Variants in BTG3 observed in about 807,000 individuals in gnomAD.
BTG3 encodes the protein protein BTG3.
In BTG3, 4 loss-of-function variants were observed where a neutral mutation model predicts 25.8. The observed-to-expected ratio is 0.16, with a 90% CI of 0.08 to 0.36. BTG3 has a LOEUF of 0.36. Ranked by LOEUF, BTG3 falls within the 10% of genes least tolerant of loss-of-function variation. The probability of loss-of-function intolerance (pLI) is 1.00; values close to 1 mark genes in which losing one functional copy is unlikely to be tolerated. For missense variants in BTG3, 201 were observed against 304.9 expected (o/e 0.66, Z 2.54); for synonymous variants, 107 against 99.9 (o/e 1.07, Z -0.42).
chr21:17,600,146 A>T (rs1569178598), intron 3 of BTG3, among the ~76,000 whole-genome samples: 1 of 152,228 alleles, frequency 6.6e-6, no homozygotes, highest in African/African-American at 2.4e-5. Context: ...TTACTTAAAA[A>T]AAAATTCTGA....
chr21:17,604,826 G>A (rs1188331055), intron 3 of BTG3, 34 bp downstream of exon 3: 1 of 1,595,412 alleles, frequency 6.3e-7, no homozygotes, highest in Non-Finnish European at 8.5e-7. Flanking sequence ...TTCCAGCATG[G>A]TCATCAGTTC....
rs112011770 is a variant in BTG3 at position 17,606,604 on chromosome 21, AC to A, written c.174-1608del. Among the ~76,000 whole-genome samples the A allele has an allele frequency of 6.6e-3, 1,001 of 152,258 alleles. 12 individuals are homozygous for A. Among genetic ancestry groups the A allele is most frequent in the African/African-American group, 0.022 (933 of 41,574 alleles). Reference sequence around the variant, plus strand: ...TTAAGGTGATACAGGCTCTAAGCTTACAAATTATATATAAATATAGATGCTT... The same window carrying A: ...TTAAGGTGATACAGGCTCTAAGCTTAAAATTATATATAAATATAGATGCTT... On this transcript the variant is annotated intron_variant, in intron 2 of 4. Coordinates refer to ENST00000348354, the MANE Select transcript of BTG3 (RefSeq NM_006806.5).
Position 17,612,890 on chromosome 21 carries a change from G to GCGCACACGAGTGAGCGCAGC in BTG3, c.-201_-200insGCTGCGCTCACTCGTGTGCG, listed in dbSNP as rs2061756660. 1 of 151,958 alleles carries GCGCACACGAGTGAGCGCAGC rather than the reference G, an allele frequency of 6.6e-6. No individual in the cohort carries two copies. The highest frequency in any genetic ancestry group is 1.5e-5 in the Non-Finnish European group (1 of 67,988). The allele number at this position is 151,958 out of a possible 1,614,324, so 9.4% of individuals were successfully genotyped here. A position where few individuals can be genotyped will look rare whatever the true frequency, so the allele number is the denominator to read the frequency against. ...TGAGAGGACTGGCGGGCGGACGAGC[G>GCGCACACGAGTGAGCGCAGC]CGCACACGAGTGAGCGCAGCCCCAA... On this transcript the variant is annotated 5_prime_UTR_variant, in exon 1 of 5. Transcript: ENST00000348354.
In BTG3 at chr21:17,598,740, G is replaced by C; in HGVS notation, c.396C>G (p.Thr132=). ...CAGAGGTAACCTTATCAAGGGCCCT[G>C]GTAACTTTCCTGGAGATCTCATCCT... ...ENKDEISRKV[T]RALDKVTSDY... Residue 132 remains threonine (T), a synonymous_variant, in exon 4 of 5, where the codon ACC becomes ACG. Transcript: ENST00000348354. 1.2e-6 allele frequency: 2 copies of C among 1,614,034 alleles called. No individual in the cohort carries two copies. The highest frequency in any genetic ancestry group is 1.7e-4 in the Middle Eastern group (1 of 6,056).
chr21:17,610,685 C>T (rs1440874021), intron 1 of BTG3, among the ~76,000 whole-genome samples: 1 of 152,162 alleles, frequency 6.6e-6, no homozygotes, highest in Non-Finnish European at 1.5e-5. Flanking sequence ...TATTAAGATG[C>T]TGCCTTTAGT....
At chr21:17,595,621 G>C (rs1314563033) in intron 4 of BTG3, among the ~76,000 whole-genome samples, 1 of 151,728 alleles carries the variant, frequency 6.6e-6, no homozygotes, top group Non-Finnish European at 1.5e-5. Flanking sequence ...AGATAGTATA[G>C]CAATGACTAT....
At chr21:17,611,638 G>C (rs533687969) in intron 1 of BTG3, 1 of 152,336 alleles carries the variant, frequency 6.6e-6, no homozygotes, top group South Asian at 2.1e-4. Flanking sequence ...TCTTGAGTAA[G>C]TAGGCGTCCT....
chr21:17,598,851 A>C (rs780931755), intron 3 of BTG3, 27 bp from the exon 4 acceptor site: 1 of 1,587,164 alleles, frequency 6.3e-7, no homozygotes, highest in Non-Finnish European at 8.6e-7. Flanking sequence ...AAACTTACAA[A>C]TCTTGAAGTC....
In BTG3 at chr21:17,608,974, G is replaced by A. The variant is rs1940127992; in HGVS notation, c.171C>T (p.Tyr57=). The change falls in exon 2 of 5, where the codon TAC becomes TAT. Residue 57 remains tyrosine, a splice_region_variant and synonymous_variant. Coordinates refer to ENST00000348354, the MANE Select transcript of BTG3 (RefSeq NM_006806.5). The part of the protein sequence containing the change: ...YPEKPSKGQA[Y]RCIRVNKFQR... ...CTTAATCCAATCTAATCCTTTACCTGTAGGCCTGTCCTTTCGATGGTTTTT... is the reference window on the plus strand; with the variant it reads ...CTTAATCCAATCTAATCCTTTACCTATAGGCCTGTCCTTTCGATGGTTTTT... 6.2e-7 allele frequency: 1 copy of A among 1,612,492 alleles called. No homozygotes were observed. Among genetic ancestry groups the A allele is most frequent in the Admixed American group, 1.7e-5 (1 of 59,678 alleles).
rs371833868 is a variant in BTG3 at position 17,594,721 on chromosome 21, A to C, written c.520-389T>G. ...CAAAACATTGGAGCTGGAGGCCATT[A>C]TCCTTAGCAAACTAATGCAGAAACA... is the stretch of plus-strand genomic sequence containing the variant. On this transcript the variant is annotated intron_variant, in intron 4 of 4. Coordinates refer to ENST00000348354, the MANE Select transcript of BTG3 (RefSeq NM_006806.5). Among the ~76,000 whole-genome samples, 144 of 152,210 alleles carry C rather than the reference A, an allele frequency of 9.5e-4. 3 individuals carry two copies. In the South Asian group the frequency reaches 0.028, roughly 30 times the overall value.
chr21:17,610,333 A>G (rs2061702803), intron 1 of BTG3, among the ~76,000 whole-genome samples: 1 of 152,248 alleles, frequency 6.6e-6, no homozygotes, highest in Non-Finnish European at 1.5e-5. Flanking sequence ...TATATAAATT[A>G]AATCCCAAAA....
At chr21:17,599,480 T>TTC in intron 3 of BTG3, among the ~76,000 whole-genome samples, 1 of 147,640 alleles carries the variant, frequency 6.8e-6, no homozygotes, top group African/African-American at 2.6e-5. Flanking sequence ...GGCTGATTTT[T>TTC]TTTTTTTTTT....
At chr21:17,596,696 A>C (rs896796694) in intron 4 of BTG3, among the ~76,000 whole-genome samples, 1 of 152,082 alleles carries the variant, frequency 6.6e-6, no homozygotes, top group Admixed American at 6.6e-5. Context: ...AATATATAAT[A>C]GCTTTGAATT....
At chr21:17,600,712 T>C (rs2061561428) in intron 3 of BTG3, among the ~76,000 whole-genome samples, 1 of 152,024 alleles carries the variant, frequency 6.6e-6, no homozygotes, top group Non-Finnish European at 1.5e-5. Flanking sequence ...AAAATGTATG[T>C]GGAAATCTAG....
At chr21:17,605,274 A>C in intron 2 of BTG3, 1 of 249,590 alleles carries the variant, frequency 4.0e-6, no homozygotes, top group Non-Finnish European at 7.6e-6. Context: ...TGTACATTAA[A>C]TGAGCACGGA....
chr21:17,608,135 GGGA>G (rs2123475253), intron 2 of BTG3, among the ~76,000 whole-genome samples: 1 of 152,318 alleles, frequency 6.6e-6, no homozygotes, highest in African/African-American at 2.4e-5. Flanking sequence ...GGGAGGCAAA[GGGA>G]GAAGATCGCG....
chr21:17,600,901 T>A (rs922887461), intron 3 of BTG3, among the ~76,000 whole-genome samples: 1 of 152,112 alleles, frequency 6.6e-6, no homozygotes, highest in Non-Finnish European at 1.5e-5. Flanking sequence ...CGGTGGCTCA[T>A]GCCTGTAATC....
chr21:17,595,397 T>TA (rs2061491673), intron 4 of BTG3, among the ~76,000 whole-genome samples: 1 of 152,040 alleles, frequency 6.6e-6, no homozygotes, highest in Non-Finnish European at 1.5e-5. Context: ...CCTCTTTTTT[T>TA]ATCTCACCCT....
At chr21:17,597,309 G>C (rs998919338) in intron 4 of BTG3, among the ~76,000 whole-genome samples, 2 of 151,670 alleles carry the variant, frequency 1.3e-5, no homozygotes, top group African/African-American at 4.8e-5. Context: ...AAAATTCTGA[G>C]GTAAAATTGC....
Sources: allele counts gnomAD v4.1 joint callset (sites outside exome capture counted in the v4.1 genomes callset), GRCh38; gene constraint gnomAD v4.1.1; transcripts MANE v1.5; gene names NCBI Gene and HGNC (gene_info 2026-07-23, HGNC 2026-07-21).